FSTL5: variants seen among roughly 807,000 people sequenced by gnomAD.
FSTL5 encodes the protein follistatin-related protein 5.
A neutral mutation model predicts 89.1 loss-of-function variants in FSTL5; 62 were observed. The ratio of observed to expected loss-of-function variants is 0.70; its 90% CI spans 0.57 to 0.86. The LOEUF is 0.86. Among genes scored for constraint, FSTL5 ranks in the 40% least tolerant of loss-of-function variants. The pLI is 0.00. For synonymous variants in FSTL5, 383 were observed against 346.2 expected, an observed-to-expected ratio of 1.11 and a Z score of -1.18; for missense variants, 1,057 against 1,001.6, an observed-to-expected ratio of 1.06 and a Z score of -0.75.
chr4:161,826,387 A>C (rs1730669166), intron 4 of FSTL5, among the ~76,000 whole-genome samples: 1 of 152,160 alleles, frequency 6.6e-6, no homozygotes, highest in Non-Finnish European at 1.5e-5. Context: ...ATATCTATTA[A>C]GTCTATCTAT....
chr4:161,532,835 A>G (rs1383602015), intron 10 of FSTL5, among the ~76,000 whole-genome samples: 1 of 152,102 alleles, frequency 6.6e-6, no homozygotes, highest in Non-Finnish European at 1.5e-5. Flanking sequence ...GCCATAACAC[A>G]AGTCTTAATA....
At chr4:161,956,115 A>C (rs539802795) in intron 3 of FSTL5, among the ~76,000 whole-genome samples, 1 of 150,722 alleles carries the variant, frequency 6.6e-6, no homozygotes, top group African/African-American at 2.5e-5. Context: ...AAATCAAATT[A>C]AAAATCTATT....
chr4:161,777,606 G>C (rs575512779), intron 4 of FSTL5, among the ~76,000 whole-genome samples: 1 of 151,456 alleles, frequency 6.6e-6, no homozygotes, highest in South Asian at 2.1e-4. Flanking sequence ...CTCTTTTTTA[G>C]GGCCCCTGGT....
intron 15 of FSTL5, among the ~76,000 whole-genome samples, chr4:161,424,767 AAATG>A (rs1453720403): frequency 8.5e-5 from 13 of 152,336 alleles, no homozygotes; most frequent in African/African-American, 2.9e-4. Context: ...GTCCAAATGA[AAATG>A]AAGTCACTTA....
rs535939854 is a variant in FSTL5 at position 161,503,783 on chromosome 4, C to T, written c.1340-3649G>A. ...CCTAAAAAAGAGCTTGACACACTCA[C>T]TCCCAAAAAACTTTCTAGCAAGAAT... On this transcript the variant is annotated intron_variant, in intron 11 of 15. Transcript: ENST00000306100. Among the ~76,000 whole-genome samples, 8 of 152,160 alleles carry T rather than the reference C, an allele frequency of 5.3e-5. No homozygotes were observed. In the South Asian group the frequency reaches 1.7e-3, roughly 32 times the overall value.
chr4:161,690,087 C>G (rs1293816833), intron 6 of FSTL5, among the ~76,000 whole-genome samples: 1 of 152,070 alleles, frequency 6.6e-6, no homozygotes, highest in Non-Finnish European at 1.5e-5. Flanking sequence ...TTGGCTGGAA[C>G]ATACATAAAC....
intron 1 of FSTL5, among the ~76,000 whole-genome samples, chr4:162,131,303 A>G (rs1397120555): frequency 6.6e-6 from 1 of 152,238 alleles, no homozygotes; most frequent in Non-Finnish European, 1.5e-5. Context: ...AGCCACTAAT[A>G]AAGCCCTAAA....
intron 4 of FSTL5, among the ~76,000 whole-genome samples, chr4:161,824,204 G>T (rs1730595054): frequency 1.3e-5 from 2 of 152,222 alleles, no homozygotes; most frequent in South Asian, 4.2e-4. Context: ...TGACAGATGA[G>T]GATCCAGTTT....
chr4:162,105,770 G>A (rs1039051656), intron 2 of FSTL5, among the ~76,000 whole-genome samples: 2 of 151,990 alleles, frequency 1.3e-5, no homozygotes, highest in Non-Finnish European at 2.9e-5. Flanking sequence ...TCTGACCGAG[G>A]ACATATTTGC....
intron 15 of FSTL5, among the ~76,000 whole-genome samples, chr4:161,428,242 C>CA (rs1254135526): frequency 6.6e-6 from 1 of 152,192 alleles, no homozygotes; most frequent in Non-Finnish European, 1.5e-5. Context: ...ATCTCACCCC[C>CA]ACGGGCTAAA....
At chr4:161,458,093 C>G (rs1047525971) in intron 14 of FSTL5, among the ~76,000 whole-genome samples, 25 of 152,208 alleles carry the variant, frequency 1.6e-4, no homozygotes, top group African/African-American at 5.8e-4. Context: ...CAGCTGAGCA[C>G]CATCACCATG....
intron 6 of FSTL5, among the ~76,000 whole-genome samples, chr4:161,662,586 A>T (rs1736754835): frequency 6.6e-6 from 1 of 152,176 alleles, no homozygotes; most frequent in Non-Finnish European, 1.5e-5. Flanking sequence ...GATTAAATGA[A>T]ACTTTACTGA....
chr4:162,139,471 C>A, intron 1 of FSTL5, among the ~76,000 whole-genome samples: 1 of 151,600 alleles, frequency 6.6e-6, no homozygotes, highest in Non-Finnish European at 1.5e-5. Flanking sequence ...CACACACACA[C>A]AAACACACAC....
intron 3 of FSTL5, among the ~76,000 whole-genome samples, chr4:161,987,464 A>G (rs1735995601): frequency 6.9e-6 from 1 of 144,372 alleles, no homozygotes; most frequent in Non-Finnish European, 1.5e-5. Context: ...CACTTTATAT[A>G]TATATGTATA....
At chr4:161,417,421 T>C (rs1002600747) in intron 15 of FSTL5, among the ~76,000 whole-genome samples, 1 of 152,242 alleles carries the variant, frequency 6.6e-6, no homozygotes, top group African/African-American at 2.4e-5. Context: ...TCACCTTACA[T>C]TTCAGCTAAA....
At chr4:162,004,208 C>T (rs769910515) in intron 3 of FSTL5, among the ~76,000 whole-genome samples, 4 of 152,168 alleles carry the variant, frequency 2.6e-5, no homozygotes, top group Non-Finnish European at 5.9e-5. Context: ...TCGTGCTCTT[C>T]TCTTTAAACA....
intron 12 of FSTL5, among the ~76,000 whole-genome samples, chr4:161,491,299 C>T (rs904059724): frequency 3.3e-5 from 5 of 151,774 alleles, no homozygotes; most frequent in African/African-American, 4.8e-5. Context: ...TTTAATTTTT[C>T]AAATAAGTTC....
chr4:162,062,592 A>G (rs1215293660), intron 2 of FSTL5, among the ~76,000 whole-genome samples: 2 of 151,658 alleles, frequency 1.3e-5, no homozygotes, highest in African/African-American at 4.8e-5. Context: ...TCCATATAGA[A>G]CATCTTCTAA....
intron 15 of FSTL5, among the ~76,000 whole-genome samples, chr4:161,454,275 TAAGCA>T (rs574502869): frequency 1.3e-5 from 2 of 152,210 alleles, no homozygotes; most frequent in Non-Finnish European, 2.9e-5. Flanking sequence ...TTAACATTGC[TAAGCA>T]AATATTTTTA....
Sources: allele counts gnomAD v4.1 joint callset (sites outside exome capture counted in the v4.1 genomes callset), GRCh38; gene constraint gnomAD v4.1.1; transcripts MANE v1.5; gene names NCBI Gene and HGNC (gene_info 2026-07-23, HGNC 2026-07-21).